The following ZYG11B variants were observed in gnomAD, a reference collection of about 807,000 sequenced individuals.
ZYG11B encodes zyg-11 family member B, cell cycle regulator.
ZYG11B carries 36 observed loss-of-function variants against 82.4 expected under a neutral mutation model. The observed-to-expected ratio is 0.44, with a 90% confidence interval of 0.33 to 0.58. ZYG11B has a LOEUF of 0.58. Among genes scored for constraint, ZYG11B ranks in the 20% least tolerant of loss-of-function variants. The probability of loss-of-function intolerance (pLI) is 0.02; values close to 1 mark genes in which losing one functional copy is unlikely to be tolerated. For missense variants in ZYG11B, 552 were observed against 895.6 expected (o/e 0.62, Z 4.90); for synonymous variants, 303 against 312.8 (o/e 0.97, Z 0.33).
chr1:52,815,539 G>A (rs1405692398), intron 12 of ZYG11B, among the ~76,000 whole-genome samples: 2 of 152,098 alleles, frequency 1.3e-5, no homozygotes, highest in Non-Finnish European at 2.9e-5. Flanking sequence ...AGAATCGCTT[G>A]AGCCTGGAAG....
rs772192634 is a variant in ZYG11B at position 52,813,899 on chromosome 1, A to T, written c.1933A>T (p.Met645Leu). 6.2e-7 allele frequency: 1 copy of T among 1,614,136 alleles called. No individual in the cohort carries two copies. Among genetic ancestry groups the T allele is most frequent in the South Asian group, 1.1e-5 (1 of 91,082 alleles). Residue 645 changes from methionine to leucine, a missense_variant, in exon 12 of 14, where the codon ATG becomes TTG. Around this residue, in one of 3 missense-constraint regions of ZYG11B, gnomAD observed 127 missense variants for 163.4 expected, o/e 0.78. Transcript: ENST00000294353. ...ILKWPTPECE[M>L]VAYRSFNPFF... is the part of the protein sequence containing the mutation. ...GAAATGGCCAACTCCAGAGTGTGAG[A>T]TGGTAGCATACAGGTAATTAGTATC... is the stretch of plus-strand genomic sequence containing the variant.
intron 8 of ZYG11B, 65 bp from the exon 9 acceptor site, chr1:52,801,754 T>A: frequency 7.3e-7 from 1 of 1,365,472 alleles, no homozygotes; most frequent in South Asian, 1.5e-5. Context: ...TTGGGGTTAT[T>A]AATCACCACA....
intron 1 of ZYG11B, among the ~76,000 whole-genome samples, chr1:52,731,936 T>C (rs1423468137): frequency 6.6e-6 from 1 of 152,170 alleles, no homozygotes; most frequent in Non-Finnish European, 1.5e-5. Flanking sequence ...CTCAAGCAGC[T>C]GGGACTACAG....
At chr1:52,783,997 T>TAG (rs60838674) in intron 4 of ZYG11B, among the ~76,000 whole-genome samples, 75 of 142,414 alleles carry the variant, frequency 5.3e-4, no homozygotes, top group East Asian at 2.3e-3. Context: ...TATATATATA[T>TAG]AGAGAGAGAG....
chr1:52,807,072 T>C (rs112262730), intron 10 of ZYG11B, among the ~76,000 whole-genome samples: 13,420 of 152,122 alleles, frequency 0.088, 1,030 homozygotes, highest in African/African-American at 0.22. Flanking sequence ...TTTTGCCATG[T>C]TGGCCAGGGT....
chr1:52,783,831 C>CGT (rs368896282), intron 4 of ZYG11B, among the ~76,000 whole-genome samples: 4 of 72,526 alleles, frequency 5.5e-5, no homozygotes, highest in East Asian at 1.0e-3. Flanking sequence ...TGTATACATA[C>CGT]GTGTGTATAT....
intron 13 of ZYG11B, among the ~76,000 whole-genome samples, chr1:52,817,819 T>TA (rs1645248456): frequency 3.5e-4 from 3 of 8,666 alleles, no homozygotes; most frequent in Non-Finnish European, 8.5e-4. Context: ...ATATATATTT[T>TA]TTTTTTTTTT....
At chr1:52,816,036 G>A (rs11206026) in intron 12 of ZYG11B, among the ~76,000 whole-genome samples, 59,238 of 152,012 alleles carry the variant, frequency 0.39, 14,936 homozygotes, top group Non-Finnish European at 0.57. Context: ...CTAATTACCT[G>A]AAGTATTTAA....
At chr1:52,789,491 A>G (rs1324220327) in intron 5 of ZYG11B, among the ~76,000 whole-genome samples, 1 of 152,140 alleles carries the variant, frequency 6.6e-6, no homozygotes, top group Admixed American at 6.6e-5. Flanking sequence ...TGTGTCAATT[A>G]ATTATTCATA....
At chr1:52,820,756 A>G (rs1645276494) in intron 13 of ZYG11B, among the ~76,000 whole-genome samples, 1 of 151,770 alleles carries the variant, frequency 6.6e-6, no homozygotes, top group Non-Finnish European at 1.5e-5. Context: ...AAATATTTCA[A>G]AAATTTAAAA....
intron 2 of ZYG11B, among the ~76,000 whole-genome samples, chr1:52,760,343 C>T (rs1644618021): frequency 6.6e-6 from 1 of 152,054 alleles, no homozygotes; most frequent in Non-Finnish European, 1.5e-5. Context: ...ACTGAGGAGG[C>T]TGAGGCAGAG....
chr1:52,762,385 T>G (rs552056855), intron 2 of ZYG11B, among the ~76,000 whole-genome samples: 2 of 152,000 alleles, frequency 1.3e-5, no homozygotes, highest in Admixed American at 6.6e-5. Context: ...TTTTTAAAAT[T>G]TTTTGTAGAG....
At chr1:52,729,967 C>T (rs1644316477) in intron 1 of ZYG11B, among the ~76,000 whole-genome samples, 1 of 152,028 alleles carries the variant, frequency 6.6e-6, no homozygotes, top group Non-Finnish European at 1.5e-5. Context: ...ATCATCACAC[C>T]TGGCTAATTT....
intron 2 of ZYG11B, among the ~76,000 whole-genome samples, chr1:52,766,050 T>C (rs1027182794): frequency 6.6e-6 from 1 of 151,850 alleles, no homozygotes; most frequent in Non-Finnish European, 1.5e-5. Context: ...TGATTCTTCT[T>C]TATATCTTCT....
intron 3 of ZYG11B, among the ~76,000 whole-genome samples, chr1:52,775,829 G>A (rs944428971): frequency 6.6e-6 from 1 of 152,154 alleles, no homozygotes; most frequent in Non-Finnish European, 1.5e-5. Flanking sequence ...TGTAATCCCA[G>A]CACTTTGGGA....
At chr1:52,783,805 T>TATATATATATACACAC (rs74185908) in intron 4 of ZYG11B, among the ~76,000 whole-genome samples, 1 of 135,018 alleles carries the variant, frequency 7.4e-6, no homozygotes, top group African/African-American at 2.8e-5. Flanking sequence ...TATATATATA[T>TATATATATATACACAC]ACACACACAC....
At chr1:52,802,978 C>A (rs1259754698) in intron 10 of ZYG11B, among the ~76,000 whole-genome samples, 3 of 149,008 alleles carry the variant, frequency 2.0e-5, no homozygotes, top group African/African-American at 4.9e-5. Context: ...CAAGATCACA[C>A]CACTGCACTC....
intron 1 of ZYG11B, among the ~76,000 whole-genome samples, chr1:52,730,125 C>T (rs918650402): frequency 6.6e-6 from 1 of 152,014 alleles, no homozygotes; most frequent in African/African-American, 2.4e-5. Context: ...TGTCAAAACC[C>T]ACATAATGCT....
At position 52,756,527 on chromosome 1, in the gene ZYG11B, T is replaced by A; in HGVS notation, c.100T>A (p.Cys34Ser). ...NFLTTHLEKFCSARQDGTLCL... is the reference protein window; with the variant it reads ...NFLTTHLEKFSSARQDGTLCL... ...CTTGACTACTCACCTTGAGAAGTTCTGTTCAGCCAGACAAGATGGAACATT... is the reference window on the plus strand; with the variant it reads ...CTTGACTACTCACCTTGAGAAGTTCAGTTCAGCCAGACAAGATGGAACATT... Residue 34 changes from cysteine (C) to serine (S), a missense_variant, in exon 2 of 14, where the codon TGT becomes AGT. This residue lies in a region of ZYG11B where 359 missense variants were observed against 555.8 expected (regional missense o/e 0.65). Coordinates refer to ENST00000294353, the MANE Select transcript of ZYG11B (RefSeq NM_024646.3). The A allele has an allele frequency of 6.2e-7, 1 of 1,614,148 alleles. No individual in the cohort carries two copies. Among genetic ancestry groups the A allele is most frequent in the Non-Finnish European group, 8.5e-7 (1 of 1,180,032 alleles).
Sources: allele counts gnomAD v4.1 joint callset (sites outside exome capture counted in the v4.1 genomes callset), GRCh38; gene constraint gnomAD v4.1.1; regional missense constraint gnomAD v4.1.1; transcripts MANE v1.5; gene names NCBI Gene and HGNC (gene_info 2026-07-23, HGNC 2026-07-21).